Variants in GALNT13 observed in about 807,000 individuals in gnomAD.
The protein encoded by GALNT13 is polypeptide N-acetylgalactosaminyltransferase 13, also known as UDP-GalNAc:polypeptide N-acetylgalactosaminyltransferase 13.
In GALNT13, 28 loss-of-function variants were observed where a neutral mutation model predicts 64.2. The observed-to-expected ratio is 0.44, with a 90% confidence interval of 0.32 to 0.60. The LOEUF is 0.60. GALNT13 is among the 20% of genes least tolerant of loss of function. The probability of loss-of-function intolerance (pLI) is 0.05; values close to 1 mark genes in which losing one functional copy is unlikely to be tolerated. For synonymous variants in GALNT13, 214 were observed against 224.6 expected (o/e 0.95, Z 0.42); for missense variants, 577 against 669.8 (o/e 0.86, Z 1.53).
At chr2:153,447,810 T>C in the GALNT13 span, among the ~76,000 whole-genome samples, 1 of 152,192 alleles carries the variant, frequency 6.6e-6, no homozygotes, top group Non-Finnish European at 1.5e-5. Flanking sequence ...ATGAAATAAA[T>C]TGATTTAAAA....
the GALNT13 span, among the ~76,000 whole-genome samples, chr2:153,798,528 T>C: frequency 1.3e-5 from 2 of 152,148 alleles, no homozygotes; most frequent in Non-Finnish European, 2.9e-5. Context: ...CAAATTTAAT[T>C]ACAAAATATT....
chr2:153,812,393 C>A, the GALNT13 span, among the ~76,000 whole-genome samples: 298 of 152,116 alleles, frequency 2.0e-3, 2 homozygotes, highest in African/African-American at 6.1e-3. Context: ...TTTCCTTAAT[C>A]CTTTATGTAA....
At chr2:153,709,117 G>A in the GALNT13 span, among the ~76,000 whole-genome samples, 1 of 151,918 alleles carries the variant, frequency 6.6e-6, no homozygotes, top group Admixed American at 6.6e-5. Context: ...AGAATGAAAG[G>A]AAACCTAGGA....
intron 3 of GALNT13, among the ~76,000 whole-genome samples, chr2:154,096,401 G>T (rs1702074483): frequency 6.6e-6 from 1 of 152,018 alleles, no homozygotes; most frequent in South Asian, 2.1e-4. Flanking sequence ...TCCAACCACT[G>T]TGACATTGAG....
chr2:153,355,601 A>G, the GALNT13 span, among the ~76,000 whole-genome samples: 1 of 152,236 alleles, frequency 6.6e-6, no homozygotes, highest in Non-Finnish European at 1.5e-5. Flanking sequence ...GTTTTGTAAT[A>G]TCATTCCTGA....
the GALNT13 span, among the ~76,000 whole-genome samples, chr2:153,777,883 A>G: frequency 6.6e-6 from 1 of 152,168 alleles, no homozygotes; most frequent in Non-Finnish European, 1.5e-5. Context: ...ACAAGGACAG[A>G]GGGCTTTTTG....
At chr2:154,009,859 G>A (rs1171412869) in intron 3 of GALNT13, among the ~76,000 whole-genome samples, 1 of 152,078 alleles carries the variant, frequency 6.6e-6, no homozygotes, top group Non-Finnish European at 1.5e-5. Flanking sequence ...TGTAACGCTT[G>A]TAGAAATCTT....
At chr2:153,108,315 G>C in the GALNT13 span, among the ~76,000 whole-genome samples, 2 of 152,094 alleles carry the variant, frequency 1.3e-5, no homozygotes, top group Non-Finnish European at 2.9e-5. Context: ...AACAATAAAT[G>C]CTGAATTGTA....
At chr2:153,132,022 C>G in the GALNT13 span, among the ~76,000 whole-genome samples, 1 of 152,142 alleles carries the variant, frequency 6.6e-6, no homozygotes, top group Non-Finnish European at 1.5e-5. Flanking sequence ...GATACAGAGA[C>G]TTCATCATCT....
chr2:154,175,944 A>G lies in GALNT13; in HGVS notation c.311+35439A>G, dbSNP rs184318399. Among the ~76,000 whole-genome samples, 18 of 152,278 alleles carry G rather than the reference A, an allele frequency of 1.2e-4. No homozygotes were observed. In the East Asian group the frequency reaches 3.5e-3, roughly 29 times the overall value. On this transcript the variant is annotated intron_variant, in intron 4 of 12. Coordinates refer to ENST00000392825, the MANE Select transcript of GALNT13 (RefSeq NM_052917.4). Reference sequence around the variant, plus strand: ...TTAAAGTAAATGTTATTTCTTACTTAGAAATTAAGGAAACATATTTTCCCC... The same window carrying G: ...TTAAAGTAAATGTTATTTCTTACTTGGAAATTAAGGAAACATATTTTCCCC...
the GALNT13 span, among the ~76,000 whole-genome samples, chr2:153,447,262 G>A: frequency 6.6e-6 from 1 of 152,188 alleles, no homozygotes; most frequent in African/African-American, 2.4e-5. Context: ...AAGAGGCCAG[G>A]ATAGCACTGG....
At chr2:153,673,617 G>A in the GALNT13 span, among the ~76,000 whole-genome samples, 43 of 152,222 alleles carry the variant, frequency 2.8e-4, no homozygotes, top group Middle Eastern at 6.8e-3. Context: ...ATGGGCAAAA[G>A]CTGGAAGCAT....
At chr2:154,027,620 G>A (rs989421336) in intron 3 of GALNT13, among the ~76,000 whole-genome samples, 5 of 151,874 alleles carry the variant, frequency 3.3e-5, no homozygotes, top group African/African-American at 7.3e-5. Context: ...CCTTTCCTAG[G>A]AGAAATAAAA....
intron 11 of GALNT13, among the ~76,000 whole-genome samples, chr2:154,418,787 T>C (rs941879617): frequency 6.6e-6 from 1 of 152,216 alleles, no homozygotes; most frequent in African/African-American, 2.4e-5. Flanking sequence ...AGCCAACTTC[T>C]TTGGACAAAA....
At chr2:154,418,059 G>A (rs1273760198) in intron 11 of GALNT13, among the ~76,000 whole-genome samples, 1 of 151,628 alleles carries the variant, frequency 6.6e-6, no homozygotes, top group African/African-American at 2.4e-5. Flanking sequence ...AGTCTTTTTT[G>A]GAAGCAAGAA....
chr2:154,428,123 G>A lies in GALNT13; in HGVS notation c.1396-10469G>A, dbSNP rs188311907. 1.4e-4 allele frequency among the ~76,000 whole-genome samples: 21 copies of A among 152,146 alleles called. No individual in the cohort carries two copies. In the South Asian group the frequency reaches 2.5e-3, roughly 18 times the overall value. On this transcript the variant is annotated intron_variant, in intron 11 of 12. Coordinates refer to ENST00000392825, the MANE Select transcript of GALNT13 (RefSeq NM_052917.4). ...TTGACACACTTTTCGAATTGACTGCGTTCCAAATACCTAAAGAGATCTCCC... is the reference window on the plus strand; with the variant it reads ...TTGACACACTTTTCGAATTGACTGCATTCCAAATACCTAAAGAGATCTCCC...
chr2:154,077,767 A>C (rs998327000), intron 3 of GALNT13, among the ~76,000 whole-genome samples: 1 of 151,634 alleles, frequency 6.6e-6, no homozygotes, highest in East Asian at 1.9e-4. Context: ...TTCTAGAATT[A>C]TTTTTAGTGT....
chr2:153,723,006 G>A, the GALNT13 span, among the ~76,000 whole-genome samples: 1 of 152,056 alleles, frequency 6.6e-6, no homozygotes, highest in East Asian at 1.9e-4. Context: ...AACCAAAAGA[G>A]AGAATTTAGA....
intron 3 of GALNT13, among the ~76,000 whole-genome samples, chr2:154,106,211 T>C (rs1216470322): frequency 2.0e-5 from 3 of 152,210 alleles, no homozygotes; most frequent in Non-Finnish European, 4.4e-5. Context: ...TTATTTCTTA[T>C]TTCATGGATC....
Sources: gnomAD v4.1 joint callset for allele counts (sites outside exome capture counted in the v4.1 genomes callset) on GRCh38, gnomAD v4.1.1 for gene constraint, MANE v1.5 for transcripts, NCBI Gene and HGNC (gene_info 2026-07-23, HGNC 2026-07-21) for gene names.